The following LMO7 variants were observed in gnomAD, a reference collection of about 807,000 sequenced individuals.
LMO7 encodes the protein LIM domain 7, also known as LIM domain only protein 7.
LMO7 carries 120 observed loss-of-function variants against 206.5 expected under a neutral mutation model. That is an observed-to-expected ratio of 0.58 (90% CI 0.50 to 0.68). The LOEUF (loss-of-function observed/expected upper bound fraction) is 0.68. LMO7 is among the 30% of genes least tolerant of loss of function. The pLI, the probability that LMO7 is intolerant of heterozygous loss-of-function variation, is 0.00. For missense variants in LMO7, 1,959 were observed against 1,957.9 expected (o/e 1.00, Z -0.01); for synonymous variants, 706 against 681.5 (o/e 1.04, Z -0.56).
At chr13:75,747,786 A>G (rs1174843147) in intron 3 of LMO7, among the ~76,000 whole-genome samples, 1 of 152,208 alleles carries the variant, frequency 6.6e-6, no homozygotes, top group Non-Finnish European at 1.5e-5. Context: ...TAGGTTGCAG[A>G]TGGGATTGCG....
At chr13:75,636,833 G>A in intron 1 of LMO7, 107 bp downstream of exon 1, 2 of 1,094,698 alleles carry the variant, frequency 1.8e-6, no homozygotes, top group Non-Finnish European at 2.7e-6. Context: ...CTCCTTCGGC[G>A]ACCCAGCCGA....
At chr13:75,826,272 G>T (rs796595325) in intron 15 of LMO7, among the ~76,000 whole-genome samples, 18 of 152,020 alleles carry the variant, frequency 1.2e-4, no homozygotes, top group African/African-American at 4.1e-4. Flanking sequence ...AAACTCCTGG[G>T]CTCAAACGAT....
intron 1 of LMO7, among the ~76,000 whole-genome samples, chr13:75,688,052 C>CCGT (rs2041162771): frequency 6.6e-6 from 1 of 152,132 alleles, no homozygotes; most frequent in Non-Finnish European, 1.5e-5. Flanking sequence ...CCTGCCGCCA[C>CCGT]GTAAGATGTG....
At chr13:75,823,480 T>C in intron 14 of LMO7, 85 bp from the exon 15 acceptor site, 1 of 1,084,370 alleles carries the variant, frequency 9.2e-7, no homozygotes. Flanking sequence ...ATTTTAGTTT[T>C]AAAATATTAA....
chr13:75,663,432 C>CTTTCTTTCTTTCTTTCTTTTT (rs1555289857), intron 1 of LMO7, among the ~76,000 whole-genome samples: 8 of 111,406 alleles, frequency 7.2e-5, no homozygotes, highest in South Asian at 2.9e-4. Flanking sequence ...TTCTTTCTTT[C>CTTTCTTTCTTTCTTTCTTTTT]TTTTTTTTTT....
chr13:75,719,190 G>C (rs966871419), intron 2 of LMO7, among the ~76,000 whole-genome samples: 1 of 152,054 alleles, frequency 6.6e-6, no homozygotes, highest in African/African-American at 2.4e-5. Context: ...ATGTTGGCCA[G>C]GCTGGTCTCG....
At chr13:75,621,058 A>C (rs1220183876) in exon 1 of LMO7, 2 of 152,206 alleles carry the variant, frequency 1.3e-5, no homozygotes, top group African/African-American at 4.8e-5. Context: ...TAATACCTTA[A>C]GCAAAAATAT....
intron 2 of LMO7, chr13:75,623,354 A>G (rs748415392): frequency 8.7e-7 from 1 of 1,153,816 alleles, no homozygotes; most frequent in Non-Finnish European, 1.3e-6. Context: ...AGGCAGAATC[A>G]GAAAGGCCAA....
At chr13:75,801,626 TTC>T (rs1371519505) in intron 7 of LMO7, among the ~76,000 whole-genome samples, 2 of 152,192 alleles carry the variant, frequency 1.3e-5, no homozygotes, top group African/African-American at 4.8e-5. Context: ...CGTCAGCAAT[TTC>T]TGAGTGTACA....
At chr13:75,705,098 G>A (rs893887650) in intron 1 of LMO7, among the ~76,000 whole-genome samples, 17 of 152,222 alleles carry the variant, frequency 1.1e-4, no homozygotes, top group Middle Eastern at 3.4e-3. Flanking sequence ...AGGCCGCTCC[G>A]CCCTTCATAT....
chr13:75,681,329 A>G (rs1410804632), intron 1 of LMO7, among the ~76,000 whole-genome samples: 1 of 152,138 alleles, frequency 6.6e-6, no homozygotes, highest in Non-Finnish European at 1.5e-5. Context: ...ATCTTGAGTT[A>G]TTAATGCTCA....
chr13:75,762,027 G>T (rs953437957), intron 4 of LMO7, among the ~76,000 whole-genome samples: 2 of 152,102 alleles, frequency 1.3e-5, no homozygotes, highest in Non-Finnish European at 2.9e-5. Flanking sequence ...AGCTATGTAA[G>T]TATCTTTGAT....
chr13:75,846,450 T>C (rs189645352), intron 26 of LMO7, among the ~76,000 whole-genome samples: 2 of 152,354 alleles, frequency 1.3e-5, no homozygotes, highest in Non-Finnish European at 2.9e-5. Context: ...CTGGTTCCTC[T>C]GGTCTTACCT....
intron 17 of LMO7, 35 bp from the exon 18 acceptor site, chr13:75,835,198 C>T (rs2059023427): frequency 6.2e-7 from 1 of 1,609,894 alleles, no homozygotes; most frequent in Non-Finnish European, 8.5e-7. Context: ...GGCATAAAAC[C>T]CTCAATCTCA....
chr13:75,826,419 T>G, intron 15 of LMO7, among the ~76,000 whole-genome samples: 1 of 152,166 alleles, frequency 6.6e-6, no homozygotes, highest in East Asian at 1.9e-4. Flanking sequence ...GTCACAGGTG[T>G]TAGTGCATGC....
At chr13:75,698,034 C>T (rs567885276) in intron 1 of LMO7, among the ~76,000 whole-genome samples, 14 of 152,190 alleles carry the variant, frequency 9.2e-5, no homozygotes, top group African/African-American at 2.4e-4. Context: ...TGATATCTTT[C>T]GTGTGTTTTC....
chr13:75,650,073 T>C (rs1281977967), intron 1 of LMO7, among the ~76,000 whole-genome samples: 1 of 152,164 alleles, frequency 6.6e-6, no homozygotes, highest in Non-Finnish European at 1.5e-5. Context: ...TCCTCCCACT[T>C]TGGCCTCCCA....
chr13:75,811,196 T>C (rs1003768511), intron 11 of LMO7, among the ~76,000 whole-genome samples: 13 of 110,844 alleles, frequency 1.2e-4, no homozygotes, highest in Non-Finnish European at 2.7e-4. Context: ...TTTTCTTTCT[T>C]TTTTTCTTTC....
In LMO7 at chr13:75,858,613, T is replaced by C. The variant is rs575475458; in HGVS notation, c.*670T>C. On this transcript the variant is annotated 3_prime_UTR_variant, in exon 31 of 31. Transcript: ENST00000377534. Reference sequence around the variant, plus strand: ...ACCATGGTTTGTATACTAGAAGTCTTCTTCAGAAACTGGTGAGCCTTTCTG... The same window carrying C: ...ACCATGGTTTGTATACTAGAAGTCTCCTTCAGAAACTGGTGAGCCTTTCTG... The C allele has an allele frequency of 6.5e-6, 1 of 152,804 alleles. No homozygotes were observed. The highest frequency in any genetic ancestry group is 2.4e-5 in the African/African-American group (1 of 41,596). The allele number at this position is 152,804 out of a possible 1,614,324, so 9.5% of individuals were successfully genotyped here. A position where few individuals can be genotyped will look rare whatever the true frequency, so the allele number is the denominator to read the frequency against.
Sources: gnomAD v4.1 joint callset for allele counts (sites outside exome capture counted in the v4.1 genomes callset) on GRCh38, gnomAD v4.1.1 for gene constraint, MANE v1.5 for transcripts, NCBI Gene and HGNC (gene_info 2026-07-23, HGNC 2026-07-21) for gene names.